The following PIK3C3 variants were observed in gnomAD, a reference collection of about 807,000 sequenced individuals.
PIK3C3 encodes the protein phosphatidylinositol 3-kinase catalytic subunit type 3.
Under a neutral mutation model 126.1 loss-of-function variants are expected in PIK3C3, and 95 were observed. That is an observed-to-expected ratio of 0.75 (90% CI 0.64 to 0.89). PIK3C3 has a LOEUF of 0.89. Among genes scored for constraint, PIK3C3 ranks in the 40% least tolerant of loss-of-function variants. The pLI is 0.00. For synonymous variants in PIK3C3, 374 were observed against 360.0 expected (o/e 1.04, Z -0.44); for missense variants, 829 against 1,063.2 (o/e 0.78, Z 3.06).
chr18:42,045,010 C>T (rs1984499807), intron 20 of PIK3C3, among the ~76,000 whole-genome samples: 1 of 152,134 alleles, frequency 6.6e-6, no homozygotes, highest in Non-Finnish European at 1.5e-5. Flanking sequence ...CACAACACCC[C>T]TGTGAAGTCA....
chr18:42,005,366 T>A (rs1031611733), intron 10 of PIK3C3, among the ~76,000 whole-genome samples: 2 of 152,218 alleles, frequency 1.3e-5, no homozygotes, highest in African/African-American at 4.8e-5. Context: ...TATTATAATC[T>A]TATGGGATTA....
intron 4 of PIK3C3, among the ~76,000 whole-genome samples, chr18:41,985,520 G>A (rs1981427740): frequency 6.6e-6 from 1 of 152,072 alleles, no homozygotes; most frequent in South Asian, 2.1e-4. Context: ...TTCCTGTGAA[G>A]GCATACAGAT....
chr18:41,975,066 A>G (rs889630557), intron 4 of PIK3C3, among the ~76,000 whole-genome samples: 5 of 152,200 alleles, frequency 3.3e-5, no homozygotes, highest in Non-Finnish European at 1.5e-5. Flanking sequence ...AATGTTGTTG[A>G]GTAGAGTATA....
At chr18:41,966,127 C>T (rs565141392) in intron 3 of PIK3C3, among the ~76,000 whole-genome samples, 1 of 148,540 alleles carries the variant, frequency 6.7e-6, no homozygotes, top group Admixed American at 6.7e-5. Context: ...GAGTCATTTA[C>T]TTATCACTTT....
chr18:42,050,557 C>G (rs1389364933), intron 21 of PIK3C3: 1 of 152,246 alleles, frequency 6.6e-6, no homozygotes, highest in Non-Finnish European at 1.5e-5. Flanking sequence ...AGCAACATCA[C>G]CTACCCAGTT....
rs368935231 is a variant in PIK3C3, at chr18:42,041,200, C to A, written c.2103+459C>A. Among the ~76,000 whole-genome samples the A allele has an allele frequency of 3.8e-3, 580 of 151,796 alleles. 1 individual carries two copies. The highest frequency in any genetic ancestry group is 8.4e-3 in the African/African-American group (346 of 41,388). On this transcript the variant is annotated intron_variant, in intron 19 of 24. Coordinates refer to ENST00000262039, the MANE Select transcript of PIK3C3 (RefSeq NM_002647.4). ...CTGTGTCAAAAAAAAACAAAAAAAA[C>A]CCCAAAAAAACAGAGTTAATTGGTG...
chr18:42,010,216 A>C (rs910637280), intron 10 of PIK3C3, among the ~76,000 whole-genome samples: 1 of 151,824 alleles, frequency 6.6e-6, no homozygotes, highest in Non-Finnish European at 1.5e-5. Flanking sequence ...TCAAGAAACT[A>C]CTCTTTGCTG....
intron 20 of PIK3C3, among the ~76,000 whole-genome samples, chr18:42,047,500 A>C (rs1009200163): frequency 6.6e-6 from 1 of 152,078 alleles, no homozygotes; most frequent in African/African-American, 2.4e-5. Context: ...AATTGCATGT[A>C]TTGTGGCAGT....
At chr18:42,070,239 G>C (rs1374316914) in intron 24 of PIK3C3, among the ~76,000 whole-genome samples, 5 of 152,168 alleles carry the variant, frequency 3.3e-5, no homozygotes, top group African/African-American at 1.2e-4. Context: ...TTCACAGAGA[G>C]AAAAAATAGA....
rs374048996 is a variant in PIK3C3 at position 41,962,504 on chromosome 18, G to A, written c.273G>A (p.Leu91=). The A allele has an allele frequency of 6.2e-7, 1 of 1,609,428 alleles. No homozygotes were observed. The highest frequency in any genetic ancestry group is 1.3e-5 in the African/African-American group (1 of 74,796). Residue 91 remains leucine, a synonymous_variant, in exon 3 of 25, where the codon CTG becomes CTA. Transcript: ENST00000262039. ...ATTTCCATAGCTGGAATGAATGGCTGAAACTACCAGTAAAATACCCTGACC... is the reference window on the plus strand; with the variant it reads ...ATTTCCATAGCTGGAATGAATGGCTAAAACTACCAGTAAAATACCCTGACC... ...FSTRWNWNEW[L]KLPVKYPDLP... is the part of the protein sequence containing the mutation.
At chr18:42,018,354 A>G (rs796896779) in intron 12 of PIK3C3, among the ~76,000 whole-genome samples, 10 of 152,232 alleles carry the variant, frequency 6.6e-5, no homozygotes, top group Middle Eastern at 6.8e-3. Context: ...TCAAAAAGGC[A>G]TAGTATGAAA....
intron 21 of PIK3C3, 28 bp from the exon 22 acceptor site, chr18:42,057,855 A>G (rs1183472584): frequency 6.2e-7 from 1 of 1,609,922 alleles, no homozygotes; most frequent in African/African-American, 1.3e-5. Context: ...TAATTCTGGA[A>G]ACAAATGAGT....
At chr18:41,990,848 T>C (rs551066452) in intron 6 of PIK3C3, among the ~76,000 whole-genome samples, 1 of 152,214 alleles carries the variant, frequency 6.6e-6, no homozygotes, top group South Asian at 2.1e-4. Context: ...AAGTAATGGC[T>C]TCATTTACTA....
At chr18:42,079,717 T>C (rs1281749274) in intron 24 of PIK3C3, among the ~76,000 whole-genome samples, 3 of 152,234 alleles carry the variant, frequency 2.0e-5, no homozygotes, top group Admixed American at 1.3e-4. Flanking sequence ...CGTGTACATA[T>C]GCAGTTTTTC....
chr18:42,025,014 G>A (rs1018088107), intron 13 of PIK3C3, among the ~76,000 whole-genome samples: 26 of 151,588 alleles, frequency 1.7e-4, no homozygotes, highest in African/African-American at 2.7e-4. Context: ...GGGTTTCACC[G>A]TGTTAGCCAG....
chr18:42,038,850 G>A lies in PIK3C3; in HGVS notation c.2038G>A (p.Gly680Ser). The change falls in exon 18 of 25, where the codon GGC becomes AGC. Residue 680 changes from glycine to serine, a missense_variant and splice_region_variant. Gly to Ser is a moderately conservative substitution (Grantham distance 56). Around this residue, in one of 4 missense-constraint regions of PIK3C3, gnomAD observed 196 missense variants for 312.8 expected, o/e 0.63. Coordinates refer to ENST00000262039, the MANE Select transcript of PIK3C3 (RefSeq NM_002647.4). The stretch of plus-strand genomic sequence containing the variant: ...GGTGTTAGCCACCAGTACAAAACAT[G>A]GTAAGTGTATTTTACATCATTATTA... ...YKVLATSTKH[G>S]FMQFIQSVPV... 1 of 1,568,744 alleles carries A rather than the reference G, an allele frequency of 6.4e-7. No individual in the cohort carries two copies. Among genetic ancestry groups the A allele is most frequent in the Non-Finnish European group, 8.7e-7 (1 of 1,143,086 alleles).
At position 42,074,361 on chromosome 18, in the gene PIK3C3, C is replaced by A. The variant is rs145083465; in HGVS notation, c.2650-6762C>A. Among the ~76,000 whole-genome samples, 1,175 of 152,070 alleles carry A rather than the reference C, an allele frequency of 7.7e-3. 6 individuals carry two copies. Among genetic ancestry groups the A allele is most frequent in the Non-Finnish European group, 0.013 (913 of 67,946 alleles). On this transcript the variant is annotated intron_variant, in intron 24 of 24. Coordinates refer to ENST00000262039, the MANE Select transcript of PIK3C3 (RefSeq NM_002647.4). Reference sequence around the variant, plus strand: ...TTTTTTCTTTAATTTATTTAAAGTCCTTACTCCCAGACTTGTAGTATAATT... The same window carrying A: ...TTTTTTCTTTAATTTATTTAAAGTCATTACTCCCAGACTTGTAGTATAATT...
chr18:42,015,201 G>C (rs748619220), intron 11 of PIK3C3, among the ~76,000 whole-genome samples: 1 of 149,070 alleles, frequency 6.7e-6, no homozygotes, highest in Non-Finnish European at 1.5e-5. Context: ...AAGCTAAATG[G>C]GCTTAAACAA....
intron 24 of PIK3C3, among the ~76,000 whole-genome samples, chr18:42,072,173 G>T (rs557686488): frequency 6.6e-6 from 1 of 152,144 alleles, no homozygotes; most frequent in East Asian, 1.9e-4. Flanking sequence ...TTATAATGAT[G>T]CAATATTGTT....
Sources: allele counts gnomAD v4.1 joint callset (sites outside exome capture counted in the v4.1 genomes callset), GRCh38; gene constraint gnomAD v4.1.1; regional missense constraint gnomAD v4.1.1; transcripts MANE v1.5; gene names NCBI Gene and HGNC (gene_info 2026-07-23, HGNC 2026-07-21).